Variants in ENTREP2 observed in about 807,000 individuals in gnomAD.
ENTREP2 encodes the protein endosomal transmembrane epsin interactor 2.
the ENTREP2 span, among the ~76,000 whole-genome samples, chr15:29,565,434 G>C: frequency 6.6e-6 from 1 of 151,492 alleles, no homozygotes; most frequent in South Asian, 2.1e-4. Context: ...TGGATAAGCA[G>C]CACTGTTTGT....
At chr15:29,558,799 A>T in the ENTREP2 span, among the ~76,000 whole-genome samples, 1 of 115,486 alleles carries the variant, frequency 8.7e-6, no homozygotes, top group African/African-American at 3.3e-5. Context: ...ACAAAGATGA[A>T]GATCTTTATG....
At chr15:29,630,372 T>C in the ENTREP2 span, among the ~76,000 whole-genome samples, 1 of 152,192 alleles carries the variant, frequency 6.6e-6, no homozygotes, top group Non-Finnish European at 1.5e-5. Context: ...AATTCATCGT[T>C]TCTTTCTAGC....
At chr15:29,176,556 T>A in the ENTREP2 span, among the ~76,000 whole-genome samples, 1 of 152,080 alleles carries the variant, frequency 6.6e-6, no homozygotes, top group Non-Finnish European at 1.5e-5. Flanking sequence ...ATGGAGGAAG[T>A]CACAGGACCC....
the ENTREP2 span, among the ~76,000 whole-genome samples, chr15:29,591,049 CATT>C: frequency 6.6e-6 from 1 of 152,144 alleles, no homozygotes; most frequent in Non-Finnish European, 1.5e-5. Context: ...TTCTGTCAAA[CATT>C]ATTAAATACA....
At chr15:29,228,262 T>A in the ENTREP2 span, among the ~76,000 whole-genome samples, 5 of 152,136 alleles carry the variant, frequency 3.3e-5, no homozygotes, top group African/African-American at 1.2e-4. Context: ...GAGGTTGCAG[T>A]GAGCCAAGAT....
the ENTREP2 span, among the ~76,000 whole-genome samples, chr15:29,454,873 T>A: frequency 6.6e-6 from 1 of 152,200 alleles, no homozygotes; most frequent in African/African-American, 2.4e-5. Flanking sequence ...ACTGCTACAT[T>A]TAAGGGTGAT....
At chr15:29,400,808 G>A in the ENTREP2 span, among the ~76,000 whole-genome samples, 1 of 152,346 alleles carries the variant, frequency 6.6e-6, no homozygotes, top group African/African-American at 2.4e-5. Context: ...GGGCCTCTCT[G>A]CATCTGCATT....
the ENTREP2 span, among the ~76,000 whole-genome samples, chr15:29,441,848 A>C: frequency 2.6e-5 from 4 of 151,880 alleles, no homozygotes; most frequent in Admixed American, 6.6e-5. Context: ...GAGCTCACGC[A>C]CTTTCATAGC....
chr15:29,119,017 A>T, the ENTREP2 span, among the ~76,000 whole-genome samples: 1 of 152,104 alleles, frequency 6.6e-6, no homozygotes, highest in Non-Finnish European at 1.5e-5. Context: ...ATTCTTGGGG[A>T]ACTGCAGAGT....
chr15:29,130,855 G>T, the ENTREP2 span, among the ~76,000 whole-genome samples: 1 of 152,186 alleles, frequency 6.6e-6, no homozygotes, highest in Non-Finnish European at 1.5e-5. Flanking sequence ...CAGTAGAAAA[G>T]GGTGGGGAAG....
chr15:29,551,402 T>C, the ENTREP2 span, among the ~76,000 whole-genome samples: 11,266 of 152,174 alleles, frequency 0.074, 1,379 homozygotes, highest in African/African-American at 0.26. Flanking sequence ...CCTGGCTATA[T>C]AGAATTCTGT....
At chr15:29,281,164 A>G in the ENTREP2 span, among the ~76,000 whole-genome samples, 1 of 152,214 alleles carries the variant, frequency 6.6e-6, no homozygotes, top group African/African-American at 2.4e-5. Context: ...ATATGAATAC[A>G]CCTGTTACGC....
At chr15:29,152,471 T>G in the ENTREP2 span, among the ~76,000 whole-genome samples, 1 of 152,216 alleles carries the variant, frequency 6.6e-6, no homozygotes, top group Non-Finnish European at 1.5e-5. Flanking sequence ...TAGTCTGTTC[T>G]CCATTTTTTA....
At chr15:29,383,376 G>T in the ENTREP2 span, among the ~76,000 whole-genome samples, 1 of 152,182 alleles carries the variant, frequency 6.6e-6, no homozygotes, top group Non-Finnish European at 1.5e-5. Context: ...CGAAATCCTG[G>T]AGATCTTTCC....
chr15:29,431,065 C>T, the ENTREP2 span, among the ~76,000 whole-genome samples: 1 of 152,106 alleles, frequency 6.6e-6, no homozygotes, highest in Non-Finnish European at 1.5e-5. Flanking sequence ...ACACTGCGGG[C>T]CCAAACTGTT....
At chr15:29,582,119 T>C in the ENTREP2 span, among the ~76,000 whole-genome samples, 3 of 152,086 alleles carry the variant, frequency 2.0e-5, no homozygotes, top group African/African-American at 7.2e-5. Context: ...TTTTTTTGTA[T>C]TTTTAGTAGA....
chr15:29,293,491 T>C, the ENTREP2 span, among the ~76,000 whole-genome samples: 261 of 151,880 alleles, frequency 1.7e-3, 1 homozygote, highest in Non-Finnish European at 2.4e-3. Context: ...CTCCTGACCT[T>C]GTGATCCGCC....
At chr15:29,120,415 G>A in the ENTREP2 span, 1 of 152,262 alleles carries the variant, frequency 6.6e-6, no homozygotes, top group African/African-American at 2.4e-5. Context: ...AGCATGGGTG[G>A]GGAGAAGCAT....
chr15:29,392,132 T>C, the ENTREP2 span, among the ~76,000 whole-genome samples: 1 of 145,358 alleles, frequency 6.9e-6, no homozygotes, highest in East Asian at 2.0e-4. Flanking sequence ...CCGGCCTTTT[T>C]TTGTATTTTT....
Sources: gnomAD v4.1 joint callset for allele counts (sites outside exome capture counted in the v4.1 genomes callset) on GRCh38, gnomAD v4.1.1 for gene constraint, MANE v1.5 for transcripts, NCBI Gene and HGNC (gene_info 2026-07-23, HGNC 2026-07-21) for gene names.